Variants in LRFN2 observed in about 807,000 individuals in gnomAD.
LRFN2 encodes the protein leucine-rich repeat and fibronectin type-III domain-containing protein 2.
Under a neutral mutation model 37.3 loss-of-function variants are expected in LRFN2, and 18 were observed. The ratio of observed to expected loss-of-function variants is 0.48; its 90% CI spans 0.33 to 0.72. The LOEUF (loss-of-function observed/expected upper bound fraction) is 0.72. Ranked by LOEUF, LRFN2 falls within the 30% of genes least tolerant of loss-of-function variation. The pLI is 0.02. For missense variants in LRFN2, 1,006 were observed against 1,060.7 expected, an observed-to-expected ratio of 0.95 and a Z score of 0.72; for synonymous variants, 556 against 466.6, an observed-to-expected ratio of 1.19 and a Z score of -2.47.
intron 1 of LRFN2, among the ~76,000 whole-genome samples, chr6:40,492,982 C>T (rs1350349913): frequency 6.6e-6 from 1 of 151,940 alleles, no homozygotes; most frequent in East Asian, 1.9e-4. Flanking sequence ...AGTGAAGCAT[C>T]AAGCAGGTTA....
At chr6:40,466,487 T>G (rs993440681) in intron 1 of LRFN2, among the ~76,000 whole-genome samples, 1 of 151,640 alleles carries the variant, frequency 6.6e-6, no homozygotes, top group African/African-American at 2.4e-5. Flanking sequence ...GCCATTAGCA[T>G]CCAGTAATGT....
At chr6:40,575,158 G>A (rs529541281) in intron 1 of LRFN2, among the ~76,000 whole-genome samples, 20 of 152,154 alleles carry the variant, frequency 1.3e-4, no homozygotes, top group Admixed American at 3.3e-4. Flanking sequence ...ATCTCAGACC[G>A]CAGTGGGCAG....
chr6:40,488,161 G>A (rs1216967083), intron 1 of LRFN2, among the ~76,000 whole-genome samples: 1 of 152,196 alleles, frequency 6.6e-6, no homozygotes, highest in African/African-American at 2.4e-5. Context: ...GAGGGAAACA[G>A]GTCTTCCCCA....
At chr6:40,420,497 C>T (rs1000656320) in intron 2 of LRFN2, among the ~76,000 whole-genome samples, 1 of 152,250 alleles carries the variant, frequency 6.6e-6, no homozygotes, top group African/African-American at 2.4e-5. Flanking sequence ...AGGCTGGCCT[C>T]AGCCACAAAC....
At chr6:40,546,176 C>T (rs1055619230) in intron 1 of LRFN2, among the ~76,000 whole-genome samples, 5 of 152,142 alleles carry the variant, frequency 3.3e-5, no homozygotes, top group African/African-American at 1.2e-4. Context: ...TGACAACGCA[C>T]AGTCAGCGGG....
intron 1 of LRFN2, among the ~76,000 whole-genome samples, chr6:40,506,898 C>T (rs1765557584): frequency 1.3e-5 from 2 of 151,910 alleles, no homozygotes; most frequent in South Asian, 4.2e-4. Flanking sequence ...AAATGGGACC[C>T]TAATTTACCC....
intron 1 of LRFN2, among the ~76,000 whole-genome samples, chr6:40,584,835 A>C (rs1767473718): frequency 6.7e-6 from 1 of 150,166 alleles, no homozygotes; most frequent in South Asian, 2.1e-4. Flanking sequence ...TTTCCTTTGG[A>C]GCTGAAGCAA....
At chr6:40,503,425 TG>T (rs1392834811) in intron 1 of LRFN2, among the ~76,000 whole-genome samples, 1 of 152,132 alleles carries the variant, frequency 6.6e-6, no homozygotes, top group Non-Finnish European at 1.5e-5. Context: ...TGCTCACTGG[TG>T]CAGCCGATGG....
intron 1 of LRFN2, among the ~76,000 whole-genome samples, chr6:40,473,433 C>T (rs1045556782): frequency 6.6e-6 from 1 of 152,188 alleles, no homozygotes; most frequent in Admixed American, 6.5e-5. Context: ...CCCAGGCCTC[C>T]GTTTCCACTC....
intron 1 of LRFN2, among the ~76,000 whole-genome samples, chr6:40,529,945 T>C (rs1766317180): frequency 6.6e-6 from 1 of 152,244 alleles, no homozygotes; most frequent in Non-Finnish European, 1.5e-5. Context: ...ACATTGCAGA[T>C]ACCCAAATAG....
intron 1 of LRFN2, among the ~76,000 whole-genome samples, chr6:40,547,649 G>A (rs1473155872): frequency 6.6e-6 from 1 of 152,086 alleles, no homozygotes; most frequent in Non-Finnish European, 1.5e-5. Context: ...GAGGTCAACT[G>A]GGAAGATCAA....
At position 40,392,038 on chromosome 6, in the gene LRFN2, C is replaced by T. The variant is rs1158429390; in HGVS notation, c.2275G>A (p.Val759Ile). 6.2e-7 allele frequency: 1 copy of T among 1,613,934 alleles called. No homozygotes were observed. The highest frequency in any genetic ancestry group is 1.7e-5 in the Admixed American group (1 of 59,996). Residue 759 changes from valine to isoleucine, a missense_variant, in exon 3 of 3, where the codon GTC becomes ATC. Physicochemically the swap from Val to Ile is conservative, Grantham distance 29. This residue lies in a region of LRFN2 where 398 missense variants were observed against 327.6 expected (regional missense o/e 1.21). Transcript: ENST00000338305. This position sits in a 1 kb window ranked among gnomAD's most constrained non-coding sequence, Gnocchi z 4.7. ...SNIWTKRSLS[V>I]NGMLLPFEES... The stretch of plus-strand genomic sequence containing the variant: ...TCAAAGGGCAAGAGCATGCCGTTGA[C>T]AGAGAGGCTGCGCTTCGTCCAGATG...
At chr6:40,531,012 C>A (rs907579891) in intron 1 of LRFN2, among the ~76,000 whole-genome samples, 1 of 151,966 alleles carries the variant, frequency 6.6e-6, no homozygotes, top group African/African-American at 2.4e-5. Flanking sequence ...CAGATGCATC[C>A]AAAAAAGCAT....
At chr6:40,419,498 C>T (rs1763172183) in intron 2 of LRFN2, among the ~76,000 whole-genome samples, 1 of 152,192 alleles carries the variant, frequency 6.6e-6, no homozygotes, top group Non-Finnish European at 1.5e-5. Flanking sequence ...CAGCCCAGCC[C>T]AGGCCAGACC....
At chr6:40,399,848 T>C (rs1762702362) in intron 2 of LRFN2, among the ~76,000 whole-genome samples, 1 of 151,936 alleles carries the variant, frequency 6.6e-6, no homozygotes, top group Non-Finnish European at 1.5e-5. Flanking sequence ...TATTAACTTA[T>C]TTCCTTGCAC....
At chr6:40,456,429 G>A (rs972434513) in intron 1 of LRFN2, among the ~76,000 whole-genome samples, 2 of 152,182 alleles carry the variant, frequency 1.3e-5, no homozygotes, top group Non-Finnish European at 2.9e-5. Flanking sequence ...CAGGTATGTC[G>A]ATGACATGTG....
At position 40,499,931 on chromosome 6, in the gene LRFN2, G is replaced by A. The variant is rs75674954; in HGVS notation, c.-18-66800C>T. Among the ~76,000 whole-genome samples the A allele has an allele frequency of 1.2e-3, 185 of 152,312 alleles. 2 individuals carry two copies. In the East Asian group the frequency reaches 0.032, roughly 27 times the overall value. ...ACAGCAGCACCTACCTCACAAGGCC[G>A]TGGTGAGAATGAAAGAAATCTGCAG... On this transcript the variant is annotated intron_variant, in intron 1 of 2. Transcript: ENST00000338305.
At chr6:40,498,796 C>A (rs945570289) in intron 1 of LRFN2, among the ~76,000 whole-genome samples, 1 of 152,352 alleles carries the variant, frequency 6.6e-6, no homozygotes, top group African/African-American at 2.4e-5. Context: ...GGCACAGACA[C>A]TTTGCCTCTG....
At chr6:40,546,673 C>T (rs1363212575) in intron 1 of LRFN2, among the ~76,000 whole-genome samples, 5 of 152,326 alleles carry the variant, frequency 3.3e-5, no homozygotes, top group African/African-American at 9.6e-5. Context: ...TTGTGAATAG[C>T]AAGAGCTTAA....
Sources: allele counts gnomAD v4.1 joint callset (sites outside exome capture counted in the v4.1 genomes callset), GRCh38; gene constraint gnomAD v4.1.1; regional missense constraint gnomAD v4.1.1; non-coding constraint Gnocchi (gnomAD v3.1); transcripts MANE v1.5; gene names NCBI Gene and HGNC (gene_info 2026-07-23, HGNC 2026-07-21).